AK7: variants seen among roughly 807,000 people sequenced by gnomAD.
AK7 encodes the protein adenylate kinase 7.
Under a neutral mutation model 96.6 loss-of-function variants are expected in AK7, and 78 were observed. The ratio of observed to expected loss-of-function variants is 0.81; its 90% CI spans 0.67 to 0.97. The LOEUF (loss-of-function observed/expected upper bound fraction) is 0.97, where lower values mean the gene tolerates loss of function less well. Among genes scored for constraint, AK7 ranks in the 50% least tolerant of loss-of-function variants. AK7 has a pLI of 0.00. For synonymous variants in AK7, 302 were observed against 317.2 expected (o/e 0.95, Z 0.51); for missense variants, 855 against 887.9 (o/e 0.96, Z 0.47).
chr14:96,476,432 G>A (rs1895183423), intron 14 of AK7, among the ~76,000 whole-genome samples: 2 of 151,534 alleles, frequency 1.3e-5, no homozygotes, highest in Admixed American at 6.6e-5. Context: ...CTGAACCCGG[G>A]AGGCAGAGGT....
chr14:96,408,031 C>T (rs1354805142), intron 3 of AK7, among the ~76,000 whole-genome samples: 3 of 152,186 alleles, frequency 2.0e-5, no homozygotes, highest in African/African-American at 7.2e-5. Context: ...TTTCTCTCCA[C>T]CTCTATCCTA....
intron 5 of AK7, among the ~76,000 whole-genome samples, chr14:96,427,312 A>G (rs1257213601): frequency 6.6e-6 from 1 of 152,192 alleles, no homozygotes; most frequent in Non-Finnish European, 1.5e-5. Context: ...TACAGGAAGC[A>G]TGTTTGGGGA....
intron 1 of AK7, among the ~76,000 whole-genome samples, chr14:96,393,468 G>T (rs1320570354): frequency 6.6e-6 from 1 of 152,230 alleles, no homozygotes; most frequent in Non-Finnish European, 1.5e-5. Context: ...CAAGGTGTCA[G>T]CAGGGTTGGT....
chr14:96,456,489 C>G lies in AK7; in HGVS notation c.1227+14C>G, dbSNP rs778303689. Reference sequence around the variant, plus strand: ...ATAGCAAAACTGGTAACACTTTAAACTATTTTCCTGGGCATTTTAATTAAT... The same window carrying G: ...ATAGCAAAACTGGTAACACTTTAAAGTATTTTCCTGGGCATTTTAATTAAT... On this transcript the variant is annotated intron_variant, in intron 11 of 17. Coordinates refer to ENST00000267584, the MANE Select transcript of AK7 (RefSeq NM_152327.5). 20 of 1,611,264 alleles carry G rather than the reference C, an allele frequency of 1.2e-5. No individual in the cohort carries two copies. In the African/African-American group the frequency reaches 2.7e-4, roughly 22 times the overall value.
chr14:96,397,103 AG>A (rs1327485899), intron 1 of AK7, among the ~76,000 whole-genome samples: 2 of 152,222 alleles, frequency 1.3e-5, no homozygotes, highest in East Asian at 3.8e-4. Context: ...TCTCAAAAAA[AG>A]AAATGTCGCT....
chr14:96,406,829 T>C (rs1890739702), intron 3 of AK7, among the ~76,000 whole-genome samples: 1 of 152,046 alleles, frequency 6.6e-6, no homozygotes, highest in Admixed American at 6.6e-5. Context: ...GAATTACAGG[T>C]GTGCATCCAG....
chr14:96,402,980 T>C (rs570763831), intron 2 of AK7, among the ~76,000 whole-genome samples: 1 of 151,764 alleles, frequency 6.6e-6, no homozygotes, highest in South Asian at 2.1e-4. Context: ...AATACAAAAA[T>C]AGTGGGTGCC....
Position 96,483,090 on chromosome 14 carries a change from C to T in AK7, c.1845C>T (p.Asp615=), listed in dbSNP as rs199616462. The change falls in exon 16 of 18, where the codon GAC becomes GAT. Residue 615 remains aspartate, a synonymous_variant. Transcript: ENST00000267584. Reference sequence around the variant, plus strand: ...AGCCTCGAAATTATGGTTTAACAGACGAAGAAAAGGCAGAAGAGGAGCGGA... The same window carrying T: ...AGCCTCGAAATTATGGTTTAACAGATGAAGAAAAGGCAGAAGAGGAGCGGA... ...IGEPRNYGLT[D]EEKAEEERKA... is the part of the protein sequence containing the mutation. 3.2e-5 allele frequency: 52 copies of T among 1,613,988 alleles called. No homozygotes were observed. The highest frequency in any genetic ancestry group is 8.9e-5 in the East Asian group (4 of 44,890).
At chr14:96,482,048 C>G (rs1895532767) in intron 15 of AK7, among the ~76,000 whole-genome samples, 1 of 152,152 alleles carries the variant, frequency 6.6e-6, no homozygotes. Context: ...TGCACTGGCT[C>G]TGCTCCTCCC....
chr14:96,459,862 G>C lies in AK7; in HGVS notation c.1357+1650G>C, dbSNP rs1047580586. Among the ~76,000 whole-genome samples the C allele has an allele frequency of 2.6e-5, 4 of 151,748 alleles. No individual in the cohort carries two copies. In the South Asian group the frequency reaches 6.2e-4, roughly 24 times the overall value. On this transcript the variant is annotated intron_variant, in intron 12 of 17. Transcript: ENST00000267584. ...ACTGTACTCTAGCCTGGGCAACAGA[G>C]AAAGACTCCCTCTCAAAAAAAAAGA...
chr14:96,418,354 ATAGCCTT>A (rs1474143179), intron 4 of AK7, among the ~76,000 whole-genome samples: 1 of 143,370 alleles, frequency 7.0e-6, no homozygotes, highest in Non-Finnish European at 1.5e-5. Context: ...AAATCCTTCC[ATAGCCTT>A]TTATTGCTAT....
chr14:96,458,906 T>G (rs1894093560), intron 12 of AK7, among the ~76,000 whole-genome samples: 1 of 104,576 alleles, frequency 9.6e-6, no homozygotes, highest in Admixed American at 1.2e-4. Context: ...TAAGATCCTG[T>G]CTCAACAAAA....
intron 4 of AK7, among the ~76,000 whole-genome samples, chr14:96,419,981 G>A (rs1891584687): frequency 6.6e-6 from 1 of 150,518 alleles, no homozygotes; most frequent in Admixed American, 6.6e-5. Flanking sequence ...CAGAGACGGG[G>A]TTTCATCATG....
chr14:96,463,973 G>A (rs897936495), intron 12 of AK7, among the ~76,000 whole-genome samples: 2 of 152,064 alleles, frequency 1.3e-5, no homozygotes, highest in Admixed American at 6.6e-5. Flanking sequence ...TGATCCTGGT[G>A]CAATGTTACC....
rs569137384 is a variant in AK7, at chr14:96,407,858, C to T, written c.404-989C>T. Among the ~76,000 whole-genome samples, 20 of 152,142 alleles carry T rather than the reference C, an allele frequency of 1.3e-4. No individual in the cohort carries two copies. In the East Asian group the frequency reaches 3.9e-3, roughly 29 times the overall value. ...GGCCTCCCAAAGTGCTGGGATTAGG[C>T]TTGAGCCACCACGCCCGGCCGATAT... On this transcript the variant is annotated intron_variant, in intron 3 of 17. Coordinates refer to ENST00000267584, the MANE Select transcript of AK7 (RefSeq NM_152327.5).
Position 96,392,141 on chromosome 14 carries a change from G to C in AK7, c.-14G>C, listed in dbSNP as rs1335760097. ...AGTGGCGCTTTCACCTTAGCAACCA[G>C]CGCGGCTCCCACCATGGCTGAAGAA... is the stretch of plus-strand genomic sequence containing the variant. On this transcript the variant is annotated 5_prime_UTR_variant, in exon 1 of 18. Coordinates refer to ENST00000267584, the MANE Select transcript of AK7 (RefSeq NM_152327.5). The C allele has an allele frequency of 6.2e-7, 1 of 1,605,818 alleles. No individual in the cohort carries two copies. The highest frequency in any genetic ancestry group is 1.7e-5 in the Admixed American group (1 of 59,928).
chr14:96,426,315 C>T (rs1892025965), intron 5 of AK7, among the ~76,000 whole-genome samples: 1 of 152,192 alleles, frequency 6.6e-6, no homozygotes, highest in South Asian at 2.1e-4. Context: ...CTATGCCTTA[C>T]TCCCATCCCC....
chr14:96,434,847 A>G (rs1420259321), intron 5 of AK7, among the ~76,000 whole-genome samples: 1 of 152,168 alleles, frequency 6.6e-6, no homozygotes, highest in African/African-American at 2.4e-5. Context: ...TTCCAAAGAC[A>G]GAGGAGCCTC....
At chr14:96,405,267 C>G (rs547803111) in intron 3 of AK7, among the ~76,000 whole-genome samples, 2 of 152,096 alleles carry the variant, frequency 1.3e-5, no homozygotes, top group African/African-American at 4.8e-5. Flanking sequence ...ACTACAGCCT[C>G]GAACTCCTGG....
Sources: gnomAD v4.1 joint callset for allele counts (sites outside exome capture counted in the v4.1 genomes callset) on GRCh38, gnomAD v4.1.1 for gene constraint, MANE v1.5 for transcripts, NCBI Gene and HGNC (gene_info 2026-07-23, HGNC 2026-07-21) for gene names.